The following UBE2E2 variants were observed in gnomAD, a reference collection of about 807,000 sequenced individuals.
UBE2E2 encodes ubiquitin-conjugating enzyme E2 E2.
A neutral mutation model predicts 24.7 loss-of-function variants in UBE2E2; 6 were observed. The observed-to-expected ratio is 0.24, with a 90% CI of 0.13 to 0.48. The LOEUF is 0.48. UBE2E2 is among the 20% of genes least tolerant of loss of function. The probability of loss-of-function intolerance (pLI) is 0.99; values close to 1 mark genes in which losing one functional copy is unlikely to be tolerated. For synonymous variants in UBE2E2, 104 were observed against 83.6 expected, an observed-to-expected ratio of 1.24 and a Z score of -1.33; for missense variants, 169 against 245.0, an observed-to-expected ratio of 0.69 and a Z score of 2.07.
intron 2 of UBE2E2, among the ~76,000 whole-genome samples, chr3:23,215,987 T>A (rs1412901319): frequency 5.9e-5 from 9 of 152,162 alleles, no homozygotes; most frequent in African/African-American, 1.9e-4. Context: ...TAGAAGGAAG[T>A]TACAGTGTGT....
rs76173504 is a variant in UBE2E2 at position 23,528,219 on chromosome 3, A to G, written c.361-4335A>G. On this transcript the variant is annotated intron_variant, in intron 4 of 5. Transcript: ENST00000396703. ...TCTGTGTTGAGAGAGTAGGAAAAAC[A>G]TTTTGATTCTTCCAATCTCATAGAA... Among the ~76,000 whole-genome samples, 98 of 152,334 alleles carry G rather than the reference A, an allele frequency of 6.4e-4. 5 individuals carry two copies. In the East Asian group the frequency reaches 0.015, roughly 24 times the overall value.
At chr3:23,566,526 C>T (rs933504537) in intron 5 of UBE2E2, among the ~76,000 whole-genome samples, 1 of 152,112 alleles carries the variant, frequency 6.6e-6, no homozygotes, top group Non-Finnish European at 1.5e-5. Context: ...TTATTTGGCT[C>T]ACAGTTCTGC....
rs189170757 is a variant in UBE2E2, at chr3:23,277,533, T to C, written c.227+60221T>C. Among the ~76,000 whole-genome samples the C allele has an allele frequency of 4.6e-5, 7 of 152,280 alleles. No homozygotes were observed. In the East Asian group the frequency reaches 1.3e-3, roughly 29 times the overall value. On this transcript the variant is annotated intron_variant, in intron 3 of 5. Transcript: ENST00000396703. ...TTTTTCTGGGATCAACGTAAGTATT[T>C]CTCTAAGAAATAGGTCATTGCAAAG...
chr3:23,294,628 TA>T (rs1390533952), intron 3 of UBE2E2, among the ~76,000 whole-genome samples: 1 of 147,688 alleles, frequency 6.8e-6, no homozygotes, highest in East Asian at 1.9e-4. Context: ...TTTTATTAGA[TA>T]TTTTTGTATC....
At chr3:23,475,673 C>T (rs956422043) in intron 3 of UBE2E2, among the ~76,000 whole-genome samples, 1 of 152,036 alleles carries the variant, frequency 6.6e-6, no homozygotes, top group Non-Finnish European at 1.5e-5. Context: ...TATTTGGGAA[C>T]TTACAGATGG....
chr3:23,510,697 G>A (rs1356112411), intron 4 of UBE2E2, among the ~76,000 whole-genome samples: 1 of 152,086 alleles, frequency 6.6e-6, no homozygotes, highest in Non-Finnish European at 1.5e-5. Flanking sequence ...AAACCATCAG[G>A]TGAATTTTTC....
rs370363359 is a variant in UBE2E2 at position 23,463,246 on chromosome 3, C to G, written c.228-36362C>G. Among the ~76,000 whole-genome samples the G allele has an allele frequency of 3.3e-5, 5 of 152,032 alleles. No individual in the cohort carries two copies. The East Asian group carries it at 9.6e-4, about 29-fold the overall frequency. Reference sequence around the variant, plus strand: ...GTTAAAAGAAAAAAAAAGATGATAACTAAACCAAACAACAATAAGGTGGGA... The same window carrying G: ...GTTAAAAGAAAAAAAAAGATGATAAGTAAACCAAACAACAATAAGGTGGGA... On this transcript the variant is annotated intron_variant, in intron 3 of 5. Coordinates refer to ENST00000396703, the MANE Select transcript of UBE2E2 (RefSeq NM_152653.4).
Position 23,255,987 on chromosome 3 carries a change from A to G in UBE2E2, c.227+38675A>G, listed in dbSNP as rs545368076. ...AAGACTCTGCCTCTAAAAATAAATAAAAGACAGCTTCTGAGAGTATTTATT... is the reference window on the plus strand; with the variant it reads ...AAGACTCTGCCTCTAAAAATAAATAGAAGACAGCTTCTGAGAGTATTTATT... On this transcript the variant is annotated intron_variant, in intron 3 of 5. Coordinates refer to ENST00000396703, the MANE Select transcript of UBE2E2 (RefSeq NM_152653.4). Among the ~76,000 whole-genome samples the G allele has an allele frequency of 2.9e-4, 44 of 152,314 alleles. No individual in the cohort carries two copies. The South Asian group carries it at 7.7e-3, about 27-fold the overall frequency.
intron 3 of UBE2E2, among the ~76,000 whole-genome samples, chr3:23,366,909 A>G (rs962128642): frequency 6.6e-6 from 1 of 152,212 alleles, no homozygotes; most frequent in African/African-American, 2.4e-5. Context: ...TAATTATAGA[A>G]GAACAATGAA....
chr3:23,459,057 C>A (rs772759640), intron 3 of UBE2E2, among the ~76,000 whole-genome samples: 1 of 152,098 alleles, frequency 6.6e-6, no homozygotes, highest in African/African-American at 2.4e-5. Flanking sequence ...ACTAGATCTC[C>A]ATTTGTGTTC....
chr3:23,287,307 T>C (rs1462231855), intron 3 of UBE2E2, among the ~76,000 whole-genome samples: 1 of 152,136 alleles, frequency 6.6e-6, no homozygotes, highest in African/African-American at 2.4e-5. Flanking sequence ...TTAAAATGTG[T>C]TGTTGAATTT....
rs1479359415 is a variant in UBE2E2 at position 23,214,114 on chromosome 3, AAATAT to A, written c.177-3142_177-3138del. 1.2e-3 allele frequency among the ~76,000 whole-genome samples: 186 copies of A among 152,302 alleles called. 2 individuals are homozygous for A. The highest frequency in any genetic ancestry group is 2.6e-4 in the Non-Finnish European group (18 of 68,014). On this transcript the variant is annotated intron_variant, in intron 2 of 5. Coordinates refer to ENST00000396703, the MANE Select transcript of UBE2E2 (RefSeq NM_152653.4). ...AACCATTTTAGGTAACAGTAGCTCA[AAATAT>A]AATATTATTGACTCACTGCTCAGAC... is the stretch of plus-strand genomic sequence containing the variant.
rs540961027 is a variant in UBE2E2, at chr3:23,332,469, A to G, written c.227+115157A>G. On this transcript the variant is annotated intron_variant, in intron 3 of 5. Coordinates refer to ENST00000396703, the MANE Select transcript of UBE2E2 (RefSeq NM_152653.4). ...AAAAACAAATGCATACATGGCAATT[A>G]TTAAAATAAAGATAAATCACTGGGG... Among the ~76,000 whole-genome samples the G allele has an allele frequency of 3.9e-5, 6 of 152,324 alleles. No individual in the cohort carries two copies. In the East Asian group the frequency reaches 7.7e-4, roughly 20 times the overall value.
At chr3:23,470,070 A>G (rs1202123265) in intron 3 of UBE2E2, among the ~76,000 whole-genome samples, 1 of 152,242 alleles carries the variant, frequency 6.6e-6, no homozygotes, top group African/African-American at 2.4e-5. Flanking sequence ...AGAGCATTGC[A>G]GTAATGAACT....
At chr3:23,296,109 C>CACAA (rs1698901150) in intron 3 of UBE2E2, among the ~76,000 whole-genome samples, 1 of 152,202 alleles carries the variant, frequency 6.6e-6, no homozygotes, top group African/African-American at 2.4e-5. Flanking sequence ...TGGACAAAAT[C>CACAA]ACAATTCTTT....
At chr3:23,323,481 A>C (rs1368818665) in intron 3 of UBE2E2, 1 of 431,580 alleles carries the variant, frequency 2.3e-6, no homozygotes, top group African/African-American at 2.1e-5. Flanking sequence ...AAATTCGAAA[A>C]TTCAAAACAC....
intron 3 of UBE2E2, among the ~76,000 whole-genome samples, chr3:23,479,077 C>T (rs1157452396): frequency 6.6e-6 from 1 of 152,096 alleles, no homozygotes; most frequent in East Asian, 1.9e-4. Flanking sequence ...TAGCCAGAAA[C>T]TTCTGTGGTA....
At chr3:23,492,731 A>T (rs77105241) in intron 3 of UBE2E2, among the ~76,000 whole-genome samples, 1 of 152,176 alleles carries the variant, frequency 6.6e-6, no homozygotes, top group Admixed American at 6.5e-5. Flanking sequence ...AGCATTTGAT[A>T]TGTTCAAGCA....
chr3:23,321,427 G>A (rs1000115971), intron 3 of UBE2E2, among the ~76,000 whole-genome samples: 1 of 151,950 alleles, frequency 6.6e-6, no homozygotes, highest in Non-Finnish European at 1.5e-5. Flanking sequence ...GAGAGTCAGA[G>A]TGGCAAAACA....
Sources: allele counts gnomAD v4.1 joint callset (sites outside exome capture counted in the v4.1 genomes callset), GRCh38; gene constraint gnomAD v4.1.1; transcripts MANE v1.5; gene names NCBI Gene and HGNC (gene_info 2026-07-23, HGNC 2026-07-21).